DIAPH3: variants seen among roughly 807,000 people sequenced by gnomAD.
DIAPH3 encodes diaphanous related formin 3, also known as protein diaphanous homolog 3.
In DIAPH3, 117 loss-of-function variants were observed where a neutral mutation model predicts 144.3. That is an observed-to-expected ratio of 0.81 (90% confidence interval 0.70 to 0.95). The LOEUF (loss-of-function observed/expected upper bound fraction) is 0.95, where lower values mean the gene tolerates loss of function less well. Ranked by LOEUF, DIAPH3 falls within the 40% of genes least tolerant of loss-of-function variation. The probability of loss-of-function intolerance (pLI) is 0.00; values close to 1 mark genes in which losing one functional copy is unlikely to be tolerated. For missense variants in DIAPH3, 1,421 were observed against 1,412.7 expected, an observed-to-expected ratio of 1.01 and a Z score of -0.09; for synonymous variants, 519 against 488.9, an observed-to-expected ratio of 1.06 and a Z score of -0.81.
chr13:59,666,489 A>G lies in DIAPH3; in HGVS notation c.*95T>C. On this transcript the variant is annotated 3_prime_UTR_variant, in exon 28 of 28. Transcript: ENST00000400324. ...TATATATCATAATTTAAAACTATAT[A>G]AAGTCACTTACATAAAAGCAATTTT... 7.3e-7 allele frequency: 1 copy of G among 1,371,304 alleles called. No individual in the cohort carries two copies. The highest frequency in any genetic ancestry group is 1.3e-5 in the South Asian group (1 of 74,840). The allele number at this position is 1,371,304 out of a possible 1,614,324, so 84.9% of individuals were successfully genotyped here. A position where few individuals can be genotyped will look rare whatever the true frequency, so the allele number is the denominator to read the frequency against.
chr13:60,054,252 A>G (rs922929657), intron 4 of DIAPH3, among the ~76,000 whole-genome samples: 5 of 152,102 alleles, frequency 3.3e-5, no homozygotes, highest in Admixed American at 1.3e-4. Context: ...AAATATTAAG[A>G]TATCAGAGAA....
At chr13:60,086,873 A>C (rs972325728) in intron 4 of DIAPH3, among the ~76,000 whole-genome samples, 12 of 152,116 alleles carry the variant, frequency 7.9e-5, no homozygotes, top group African/African-American at 2.7e-4. Context: ...CTAACAAATC[A>C]ATTCCAGATT....
chr13:60,010,415 A>T, intron 8 of DIAPH3, 118 bp downstream of exon 8: 4 of 1,053,148 alleles, frequency 3.8e-6, no homozygotes, highest in African/African-American at 1.6e-5. Context: ...GCTTAAATAT[A>T]CCTCAACATT....
intron 17 of DIAPH3, among the ~76,000 whole-genome samples, chr13:59,942,149 T>C (rs2140388219): frequency 6.6e-6 from 1 of 152,278 alleles, no homozygotes; most frequent in East Asian, 1.9e-4. Flanking sequence ...ATTATACAGA[T>C]TTCCTTCATT....
At chr13:60,059,489 A>G (rs2056683313) in intron 4 of DIAPH3, among the ~76,000 whole-genome samples, 1 of 152,080 alleles carries the variant, frequency 6.6e-6, no homozygotes, top group South Asian at 2.1e-4. Context: ...AGGTTTTTAA[A>G]CATACCACTT....
intron 20 of DIAPH3, 89 bp from the exon 21 acceptor site, chr13:59,879,557 G>T: frequency 1.3e-6 from 2 of 1,556,484 alleles, no homozygotes; most frequent in Non-Finnish European, 1.8e-6. Context: ...ATGATTTATT[G>T]GTATGACAGT....
At chr13:60,140,189 A>G (rs2059395765) in intron 1 of DIAPH3, among the ~76,000 whole-genome samples, 1 of 152,240 alleles carries the variant, frequency 6.6e-6, no homozygotes, top group African/African-American at 2.4e-5. Context: ...AGCATCACCC[A>G]TTCTTTCACA....
At chr13:60,087,609 C>T (rs2057791106) in intron 4 of DIAPH3, among the ~76,000 whole-genome samples, 1 of 152,106 alleles carries the variant, frequency 6.6e-6, no homozygotes, top group African/African-American at 2.4e-5. Flanking sequence ...AGAACTACTA[C>T]AGTAATACTT....
rs1381459947 is a variant in DIAPH3 at position 60,137,811 on chromosome 13, G to C, written c.181-4822C>G. On this transcript the variant is annotated intron_variant, in intron 1 of 27. Coordinates refer to ENST00000400324, the MANE Select transcript of DIAPH3 (RefSeq NM_001042517.2). ...CAGGCTGGAGTGCAGCAGTGCACTTGATCTCAGGTTCAAGTGATGCTCCTG... is the reference window on the plus strand; with the variant it reads ...CAGGCTGGAGTGCAGCAGTGCACTTCATCTCAGGTTCAAGTGATGCTCCTG... Among the ~76,000 whole-genome samples the C allele has an allele frequency of 1.3e-4, 18 of 142,416 alleles. No homozygotes were observed. In the Admixed American group the frequency reaches 1.3e-3, roughly 10 times the overall value. The allele number at this position is 142,416 out of a possible 152,430, so 93.4% of individuals were successfully genotyped here.
At chr13:59,670,951 G>A (rs1219363765) in intron 27 of DIAPH3, among the ~76,000 whole-genome samples, 2 of 152,062 alleles carry the variant, frequency 1.3e-5, no homozygotes, top group African/African-American at 2.4e-5. Flanking sequence ...CCGCCTCAGC[G>A]TCACAAAGTG....
chr13:60,068,071 G>A (rs1461892185), intron 4 of DIAPH3, among the ~76,000 whole-genome samples: 1 of 152,004 alleles, frequency 6.6e-6, no homozygotes, highest in African/African-American at 2.4e-5. Flanking sequence ...TTTTTAATAT[G>A]GGCATATTGC....
At chr13:59,690,660 T>C (rs557479377) in intron 27 of DIAPH3, among the ~76,000 whole-genome samples, 200 of 152,302 alleles carry the variant, frequency 1.3e-3, no homozygotes, top group Non-Finnish European at 1.9e-3. Context: ...CTTTGTGAAT[T>C]CCAAAACAAC....
intron 17 of DIAPH3, among the ~76,000 whole-genome samples, chr13:59,941,778 A>G (rs1308164102): frequency 6.6e-6 from 1 of 152,150 alleles, no homozygotes; most frequent in African/African-American, 2.4e-5. Context: ...CTGCAACTCA[A>G]TTAGGAAAAA....
chr13:59,734,954 C>T (rs1331286146), intron 27 of DIAPH3, among the ~76,000 whole-genome samples: 1 of 152,108 alleles, frequency 6.6e-6, no homozygotes, highest in African/African-American at 2.4e-5. Flanking sequence ...TAAAGTGAGT[C>T]ACTAAAACTT....
chr13:60,133,708 T>C (rs75265795), intron 1 of DIAPH3, among the ~76,000 whole-genome samples: 1,892 of 152,146 alleles, frequency 0.012, 21 homozygotes, highest in Middle Eastern at 0.034. Context: ...AAAAAAATAA[T>C]TATTTAGAGA....
At chr13:59,903,877 A>G (rs1183229517) in intron 20 of DIAPH3, among the ~76,000 whole-genome samples, 1 of 152,164 alleles carries the variant, frequency 6.6e-6, no homozygotes, top group African/African-American at 2.4e-5. Flanking sequence ...GTGTCAGTAG[A>G]TGTGCCATGT....
intron 27 of DIAPH3, among the ~76,000 whole-genome samples, chr13:59,683,585 T>A (rs1405117090): frequency 6.6e-6 from 1 of 152,106 alleles, no homozygotes; most frequent in Admixed American, 6.6e-5. Flanking sequence ...TATGTAGAAA[T>A]GCAGGCATGA....
chr13:59,800,761 T>C (rs1311520233), intron 25 of DIAPH3, among the ~76,000 whole-genome samples: 1 of 152,176 alleles, frequency 6.6e-6, no homozygotes, highest in Non-Finnish European at 1.5e-5. Context: ...AACTAGCATC[T>C]TTGCTCAAGT....
chr13:59,953,759 C>T (rs1489095975), intron 17 of DIAPH3, among the ~76,000 whole-genome samples: 1 of 152,094 alleles, frequency 6.6e-6, no homozygotes, highest in African/African-American at 2.4e-5. Flanking sequence ...ACTGAGAAGT[C>T]CCTTTTCTTT....
Sources: gnomAD v4.1 joint callset for allele counts (sites outside exome capture counted in the v4.1 genomes callset) on GRCh38, gnomAD v4.1.1 for gene constraint, MANE v1.5 for transcripts, NCBI Gene and HGNC (gene_info 2026-07-23, HGNC 2026-07-21) for gene names.